The following HMG20B variants were observed in gnomAD, a reference collection of about 807,000 sequenced individuals.
HMG20B encodes the protein SWI/SNF-related matrix-associated actin-dependent regulator of chromatin subfamily E member 1-related.
Under a neutral mutation model 41.6 loss-of-function variants are expected in HMG20B, and 24 were observed. The ratio of observed to expected loss-of-function variants is 0.58; its 90% CI spans 0.42 to 0.81. The LOEUF is 0.81. Among genes scored for constraint, HMG20B ranks in the 30% least tolerant of loss-of-function variants. The pLI, the probability that HMG20B is intolerant of heterozygous loss-of-function variation, is 0.00. For synonymous variants in HMG20B, 251 were observed against 186.6 expected, an observed-to-expected ratio of 1.34 and a Z score of -2.81; for missense variants, 461 against 444.0, an observed-to-expected ratio of 1.04 and a Z score of -0.34.
chr19:3,577,884 G>C, intron 8 of HMG20B, 97 bp from the exon 9 acceptor site: 1 of 1,171,810 alleles, frequency 8.5e-7, no homozygotes, highest in Non-Finnish European at 1.2e-6. Context: ...CTGAGCGCCC[G>C]CGCGACCCGC....
chr19:3,576,133 TG>T, intron 5 of HMG20B, 127 bp from the exon 6 acceptor site: 1 of 778,420 alleles, frequency 1.3e-6, no homozygotes. Context: ...GGTACAGCGA[TG>T]GGGGATGCCC....
At chr19:3,573,145 C>T in intron 1 of HMG20B, 147 bp from the exon 2 acceptor site, 1 of 588,550 alleles carries the variant, frequency 1.7e-6, no homozygotes, top group Non-Finnish European at 2.8e-6. Context: ...GGGCGCCCGC[C>T]CTCGAGGACT....
Position 3,575,556 on chromosome 19 carries a change from C to A in HMG20B, c.368C>A (p.Ala123Asp). 1 of 1,562,494 alleles carries A rather than the reference C, an allele frequency of 6.4e-7. No individual in the cohort carries two copies. The highest frequency in any genetic ancestry group is 8.7e-7 in the Non-Finnish European group (1 of 1,153,844). Residue 123 changes from alanine (A) to aspartate (D), a missense_variant, in exon 5 of 10, where the codon GCC becomes GAC. Ala to Asp is a moderately radical substitution (Grantham distance 126, BLOSUM62 -2). This residue lies in a region of HMG20B where 308 missense variants were observed against 283.4 expected (regional missense o/e 1.09). Coordinates refer to ENST00000333651, the MANE Select transcript of HMG20B (RefSeq NM_006339.3). ...GCCCCCCAGCGGTACCTGGATGAGGCCGAGAGAGAGAAGCAGCAGTACATG... is the reference window on the plus strand; with the variant it reads ...GCCCCCCAGCGGTACCTGGATGAGGACGAGAGAGAGAAGCAGCAGTACATG... ...PTEKQRYLDE[A>D]EREKQQYMKE...
At position 3,574,463 on chromosome 19, in the gene HMG20B, C is replaced by A. The variant is rs1282401135; in HGVS notation, c.228C>A (p.Gly76=). ...ATGGGCCCAAGGCACCGGTCACGGG[C>A]TACGTGCGCTTCCTGAACGAGCGGC... ...LPNGPKAPVT[G]YVRFLNERRE... is the part of the protein sequence containing the mutation. Residue 76 remains glycine (G), a synonymous_variant, in exon 4 of 10, where the codon GGC becomes GGA. Coordinates refer to ENST00000333651, the MANE Select transcript of HMG20B (RefSeq NM_006339.3). 1.2e-6 allele frequency: 2 copies of A among 1,609,024 alleles called. No individual in the cohort carries two copies. Among genetic ancestry groups the A allele is most frequent in the Non-Finnish European group, 1.7e-6 (2 of 1,178,480 alleles).
At chr19:3,576,865 G>C (rs1424557745) in intron 7 of HMG20B, 27 bp from the exon 8 acceptor site, 9 of 1,552,666 alleles carry the variant, frequency 5.8e-6, no homozygotes, top group Non-Finnish European at 7.8e-6. Context: ...GGAGGCGCAG[G>C]CTTTGACCCC....
At chr19:3,576,343 A>G in intron 6 of HMG20B, 36 bp downstream of exon 6, 1 of 1,605,432 alleles carries the variant, frequency 6.2e-7, no homozygotes, top group Non-Finnish European at 8.5e-7. Context: ...CACCTGGGGG[A>G]GAAAGGTCTG....
At chr19:3,573,987 C>T (rs1220709985) in intron 3 of HMG20B, 187 bp downstream of exon 3, 1 of 707,130 alleles carries the variant, frequency 1.4e-6, no homozygotes, top group East Asian at 2.7e-5. Flanking sequence ...AGTCCAGGCC[C>T]CGCCCACCGC....
chr19:3,574,139 G>A lies in HMG20B; in HGVS notation c.148-244G>A, dbSNP rs914336454. 18 of 617,700 alleles carry A rather than the reference G, an allele frequency of 2.9e-5. No individual in the cohort carries two copies. In the Admixed American group the frequency reaches 5.2e-4, roughly 18 times the overall value. The allele number at this position is 617,700 out of a possible 1,614,324, so 38.3% of individuals were successfully genotyped here. ...GGCCACGCCCACAACCGAAGTCAAC[G>A]CCAACCCTGTACTCAAACCTCGGCC... On this transcript the variant is annotated intron_variant, in intron 3 of 9. Transcript: ENST00000333651.
chr19:3,576,867 T>G, intron 7 of HMG20B, 25 bp from the exon 8 acceptor site: 1 of 1,553,822 alleles, frequency 6.4e-7, no homozygotes, highest in Non-Finnish European at 8.7e-7. Context: ...AGGCGCAGGC[T>G]TTGACCCCGC....
chr19:3,576,937 T>C lies in HMG20B; in HGVS notation c.638T>C (p.Phe213Ser), dbSNP rs1366871393. 1 of 1,584,790 alleles carries C rather than the reference T, an allele frequency of 6.3e-7. No homozygotes were observed. The highest frequency in any genetic ancestry group is 1.8e-5 in the Admixed American group (1 of 55,466). Reference protein sequence around the residue: ...LRRLRKMNVAFEEQNAVLQRH... With the variant: ...LRRLRKMNVASEEQNAVLQRH... ...CGCTTGCGGAAGATGAATGTGGCCT[T>C]CGAGGAGCAGAACGCGGTACTGCAG... The change falls in exon 8 of 10, where the codon TTC becomes TCC. Residue 213 changes from phenylalanine to serine, a missense_variant. Around this residue, in one of 3 missense-constraint regions of HMG20B, gnomAD observed 308 missense variants for 283.4 expected, o/e 1.09. Transcript: ENST00000333651.
intron 4 of HMG20B, 165 bp from the exon 5 acceptor site, chr19:3,575,375 G>A (rs2032134833): frequency 8.2e-7 from 1 of 1,212,568 alleles, no homozygotes; most frequent in Non-Finnish European, 1.1e-6. Context: ...GGAGCTCGGA[G>A]GTCCCTGAGC....
At chr19:3,578,373 T>A in intron 9 of HMG20B, 136 bp from the exon 10 acceptor site, 1 of 1,312,594 alleles carries the variant, frequency 7.6e-7, no homozygotes, top group Non-Finnish European at 1.0e-6. Flanking sequence ...CCGGGTTAGA[T>A]AGGTTCAACG....
intron 9 of HMG20B, 107 bp from the exon 10 acceptor site, chr19:3,578,402 C>T (rs1383861206): frequency 1.4e-6 from 2 of 1,405,654 alleles, no homozygotes. Flanking sequence ...CCAACCCTGG[C>T]ATCTGTTGGA....
Position 3,574,547 on chromosome 19 carries a change from G to A in HMG20B, c.312G>A (p.Leu104=). 2 of 1,604,620 alleles carry A rather than the reference G, an allele frequency of 1.2e-6. No individual in the cohort carries two copies. The highest frequency in any genetic ancestry group is 8.5e-7 in the Non-Finnish European group (1 of 1,177,228). ...CCTTTCCCGAGATCACCAAGATGCT[G>A]GGCGCCGAGTGGAGCAAGCTGCAGC... ...DLPFPEITKM[L]GAEWSKLQPT... The change falls in exon 4 of 10, where the codon CTG becomes CTA. Residue 104 remains leucine (L), a synonymous_variant. Transcript: ENST00000333651.
chr19:3,576,139 A>G, intron 5 of HMG20B, 122 bp from the exon 6 acceptor site: 1 of 802,910 alleles, frequency 1.2e-6, no homozygotes, highest in Non-Finnish European at 2.1e-6. Context: ...GCGATGGGGG[A>G]TGCCCAGACG....
At chr19:3,574,321 C>T (rs1390698924) in intron 3 of HMG20B, 62 bp from the exon 4 acceptor site, 9 of 1,456,470 alleles carry the variant, frequency 6.2e-6, no homozygotes, top group African/African-American at 1.4e-5. Context: ...CCGCCCATGC[C>T]CCTCTGAGCC....
chr19:3,574,044 T>C, intron 3 of HMG20B: 1 of 659,152 alleles, frequency 1.5e-6, no homozygotes, highest in Non-Finnish European at 2.7e-6. Flanking sequence ...CTTCCACTCC[T>C]TGGGGGCGGC....
chr19:3,573,831 C>T (rs1401356940), intron 3 of HMG20B, 31 bp downstream of exon 3: 3 of 1,552,378 alleles, frequency 1.9e-6, no homozygotes, highest in African/African-American at 1.4e-5. Context: ...CTGGGGGAGG[C>T]CCCGGGCTCC....
Position 3,574,635 on chromosome 19 carries a change from C to T in HMG20B, c.351+49C>T, listed in dbSNP as rs1262120587. 6.1e-6 allele frequency: 9 copies of T among 1,466,386 alleles called. No homozygotes were observed. The South Asian group carries it at 1.1e-4, about 18-fold the overall frequency. The allele number at this position is 1,466,386 out of a possible 1,614,324, so 90.8% of individuals were successfully genotyped here. On this transcript the variant is annotated intron_variant, in intron 4 of 9. Transcript: ENST00000333651. ...AGGGCTGGCGGGGTCCACGGACTACCCCCCAGTAGCCCCGACCCCCAAAGG... is the reference window on the plus strand; with the variant it reads ...AGGGCTGGCGGGGTCCACGGACTACTCCCCAGTAGCCCCGACCCCCAAAGG...
Sources: gnomAD v4.1 joint callset for allele counts on GRCh38, gnomAD v4.1.1 for gene constraint, gnomAD v4.1.1 regional missense constraint, MANE v1.5 for transcripts, NCBI Gene and HGNC (gene_info 2026-07-23, HGNC 2026-07-21) for gene names.